The following ARPC4 variants were observed in gnomAD, a reference collection of about 807,000 sequenced individuals.
ARPC4 encodes actin related protein 2/3 complex subunit 4.
In ARPC4, 3 loss-of-function variants were observed where a neutral mutation model predicts 22.8. That is an observed-to-expected ratio of 0.13 (90% CI 0.06 to 0.34). The LOEUF (loss-of-function observed/expected upper bound fraction) is 0.34, where lower values mean the gene tolerates loss of function less well. ARPC4 is among the 10% of genes least tolerant of loss of function. The probability of loss-of-function intolerance (pLI) is 1.00; values close to 1 mark genes in which losing one functional copy is unlikely to be tolerated. For synonymous variants in ARPC4, 80 were observed against 72.5 expected (o/e 1.10, Z -0.52); for missense variants, 98 against 211.0 (o/e 0.46, Z 3.32).
At chr3:9,792,596 G>T, upstream of ARPC4, 2 of 1,230,170 alleles carry the variant, frequency 1.6e-6, no homozygotes, top group South Asian at 8.2e-5. Context: ...GGTGGGGTGC[G>T]GGTGGTCGGC....
intron 5 of ARPC4, among the ~76,000 whole-genome samples, chr3:9,805,715 G>A (rs1296417469): frequency 6.6e-6 from 1 of 152,260 alleles, no homozygotes; most frequent in Non-Finnish European, 1.5e-5. Context: ...TCTCTAAAAT[G>A]TGCAGGGCTG....
intron 1 of ARPC4, 191 bp downstream of exon 1, chr3:9,793,315 C>A (rs897429985): frequency 8.6e-7 from 1 of 1,168,270 alleles, no homozygotes. Context: ...GGGGGTACTC[C>A]CTGGTATGAA....
chr3:9,799,828 C>T (rs994559574), intron 2 of ARPC4: 4 of 468,018 alleles, frequency 8.5e-6, no homozygotes, highest in African/African-American at 4.0e-5. Context: ...AAAGCTCCTA[C>T]TATGTGCCAG....
chr3:9,793,088 G>A lies in ARPC4; in HGVS notation c.-34G>A, dbSNP rs9864323. The A allele has an allele frequency of 4.4e-4, 682 of 1,545,948 alleles. 2 individuals are homozygous for A. The African/African-American group carries it at 8.2e-3, about 18-fold the overall frequency. ...AGGCATCGCGGGGCTGGCCACTTCC[G>A]TACTTCCGCTTTCCGGCCCAGCCAG... On this transcript the variant is annotated 5_prime_UTR_variant, in exon 1 of 6. Coordinates refer to ENST00000397261, the MANE Select transcript of ARPC4 (RefSeq NM_005718.5).
chr3:9,798,325 T>C (rs1017006255), intron 2 of ARPC4, among the ~76,000 whole-genome samples: 1 of 152,142 alleles, frequency 6.6e-6, no homozygotes, highest in African/African-American at 2.4e-5. Context: ...GGTTCACCCC[T>C]GTAATCCGAG....
Position 9,807,047 on chromosome 3 carries a change from G to A in ARPC4, c.*832G>A, listed in dbSNP as rs41278553. On this transcript the variant is annotated 3_prime_UTR_variant, in exon 6 of 6. Transcript: ENST00000397261. ...GCTAGCTGTCCCTTTTCTGATTCTG[G>A]TGGATCCTCCCTCCCCTAATTAAAG... 1,677 of 152,988 alleles carry A rather than the reference G, an allele frequency of 0.011. 10 individuals are homozygous for A. Among genetic ancestry groups the A allele is most frequent in the Non-Finnish European group, 0.016 (1,114 of 68,536 alleles). 9.5% of individuals were successfully genotyped at this position (152,988 alleles called of 1,614,324 possible). A position where few individuals can be genotyped will look rare whatever the true frequency, so the allele number is the denominator to read the frequency against.
intron 4 of ARPC4, 180 bp from the exon 5 acceptor site, chr3:9,803,663 A>T (rs2079057703): frequency 2.5e-6 from 2 of 784,868 alleles, no homozygotes; most frequent in Non-Finnish European, 2.3e-6. Flanking sequence ...CTTGGATCCA[A>T]CCTAGACACC....
intron 1 of ARPC4, among the ~76,000 whole-genome samples, chr3:9,794,388 AC>A (rs2078833759): frequency 6.6e-6 from 1 of 152,110 alleles, no homozygotes; most frequent in Non-Finnish European, 1.5e-5. Context: ...AGTCCCAGCT[AC>A]TCAGGAGGCT....
At chr3:9,804,254 A>G (rs1462348992) in intron 5 of ARPC4, 1 of 422,784 alleles carries the variant, frequency 2.4e-6, no homozygotes, top group African/African-American at 2.0e-5. Context: ...AGTCTCTCGT[A>G]GGAACTTGGT....
At chr3:9,800,364 G>T in intron 3 of ARPC4, 68 bp downstream of exon 3, 1 of 1,510,774 alleles carries the variant, frequency 6.6e-7, no homozygotes, top group Non-Finnish European at 9.1e-7. Context: ...TTCAGTCCGG[G>T]GTCCCCATCT....
chr3:9,797,876 A>T, intron 2 of ARPC4, 99 bp downstream of exon 2: 1 of 1,237,304 alleles, frequency 8.1e-7, no homozygotes. Context: ...AGTAGTCAGG[A>T]AAGCTGCAGT....
At chr3:9,797,107 G>T (rs1433052770) in intron 1 of ARPC4, among the ~76,000 whole-genome samples, 4 of 152,034 alleles carry the variant, frequency 2.6e-5, no homozygotes, top group African/African-American at 9.6e-5. Flanking sequence ...CTATCCAGTT[G>T]AGCTGTTTGA....
rs1223181875 is a variant in ARPC4 at position 9,807,068 on chromosome 3, TAA to T, written c.*855_*856del. On this transcript the variant is annotated 3_prime_UTR_variant, in exon 6 of 6. Transcript: ENST00000397261. ...TCTGGTGGATCCTCCCTCCCCTAATTAAAGTCTCTTTTTGCCCCTTTGGGGCT... is the reference window on the plus strand; with the variant it reads ...TCTGGTGGATCCTCCCTCCCCTAATTAGTCTCTTTTTGCCCCTTTGGGGCT... 6.6e-6 allele frequency: 1 copy of T among 152,572 alleles called. No homozygotes were observed. The highest frequency in any genetic ancestry group is 1.5e-5 in the Non-Finnish European group (1 of 68,290). 9.5% of individuals were successfully genotyped at this position (152,572 alleles called of 1,614,324 possible).
chr3:9,797,196 G>A (rs1183098594), intron 1 of ARPC4, among the ~76,000 whole-genome samples: 1 of 152,102 alleles, frequency 6.6e-6, no homozygotes, highest in East Asian at 1.9e-4. Flanking sequence ...ACATTTGTTG[G>A]CCTAATAGAT....
intron 2 of ARPC4, chr3:9,798,136 T>C (rs1367386027): frequency 5.7e-6 from 1 of 175,700 alleles, no homozygotes; most frequent in Non-Finnish European, 1.2e-5. Context: ...TTTTTTTTTT[T>C]TTCCCATCTC....
upstream of ARPC4, chr3:9,792,954 C>G (rs2078779152): frequency 7.1e-7 from 1 of 1,411,468 alleles, no homozygotes; most frequent in African/African-American, 1.5e-5. Context: ...AGGTGGAAAA[C>G]TTCCGGAAGG....
chr3:9,803,826 A>C lies in ARPC4; in HGVS notation c.331-17A>C, dbSNP rs1350882618. On this transcript the variant is annotated splice_polypyrimidine_tract_variant and intron_variant, in intron 4 of 5. Coordinates refer to ENST00000397261, the MANE Select transcript of ARPC4 (RefSeq NM_005718.5). ...CCTGTTCCTTCTCTTCCCCCTCCCT[A>C]CTGTCTTCTTCCCTAGGGGTATGAT... 6.2e-7 allele frequency: 1 copy of C among 1,610,402 alleles called. No individual in the cohort carries two copies. The highest frequency in any genetic ancestry group is 2.2e-5 in the East Asian group (1 of 44,810).
At chr3:9,800,068 G>A in intron 2 of ARPC4, 117 bp from the exon 3 acceptor site, 1 of 999,668 alleles carries the variant, frequency 1.0e-6, no homozygotes, top group Non-Finnish European at 1.5e-6. Flanking sequence ...ACTCCTGCTT[G>A]TGAGTCTTCT....
At chr3:9,796,717 A>T (rs571323109) in intron 1 of ARPC4, among the ~76,000 whole-genome samples, 3 of 152,114 alleles carry the variant, frequency 2.0e-5, no homozygotes, top group Non-Finnish European at 4.4e-5. Context: ...CAAGGCGGGC[A>T]GATTACAAGG....
Sources: gnomAD v4.1 joint callset for allele counts (sites outside exome capture counted in the v4.1 genomes callset) on GRCh38, gnomAD v4.1.1 for gene constraint, MANE v1.5 for transcripts, NCBI Gene and HGNC (gene_info 2026-07-23, HGNC 2026-07-21) for gene names.